The following GRID1 variants were observed in gnomAD, a reference collection of about 807,000 sequenced individuals.
GRID1 encodes glutamate ionotropic receptor delta type subunit 1.
A neutral mutation model predicts 98.0 loss-of-function variants in GRID1; 28 were observed. The observed-to-expected ratio is 0.29, with a 90% confidence interval of 0.21 to 0.39. The LOEUF is 0.39. Ranked by LOEUF, GRID1 falls within the 10% of genes least tolerant of loss-of-function variation. GRID1 has a pLI of 1.00. For synonymous variants in GRID1, 553 were observed against 538.5 expected (o/e 1.03, Z -0.37); for missense variants, 1,111 against 1,340.5 (o/e 0.83, Z 2.67).
At chr10:85,802,876 CA>C in intron 8 of GRID1, among the ~76,000 whole-genome samples, 1 of 149,228 alleles carries the variant, frequency 6.7e-6, no homozygotes, top group African/African-American at 2.4e-5. Flanking sequence ...CACACACACA[CA>C]CACACACACC....
intron 4 of GRID1, among the ~76,000 whole-genome samples, chr10:86,004,450 T>C (rs1290310248): frequency 6.6e-6 from 1 of 152,196 alleles, no homozygotes; most frequent in Non-Finnish European, 1.5e-5. Context: ...GGTTTTGGGA[T>C]GAGGTTATAT....
At chr10:86,251,612 A>G (rs560988183) in intron 2 of GRID1, among the ~76,000 whole-genome samples, 1 of 152,238 alleles carries the variant, frequency 6.6e-6, no homozygotes, top group South Asian at 2.1e-4. Context: ...ATCTGGGATC[A>G]GGGCTGGGCA....
chr10:86,049,620 C>T (rs1843472060), intron 4 of GRID1, among the ~76,000 whole-genome samples: 1 of 152,204 alleles, frequency 6.6e-6, no homozygotes, highest in African/African-American at 2.4e-5. Flanking sequence ...AATGGGAACC[C>T]TGCCAGAATC....
intron 4 of GRID1, among the ~76,000 whole-genome samples, chr10:86,098,892 C>G (rs765341030): frequency 2.6e-5 from 4 of 152,226 alleles, no homozygotes; most frequent in Non-Finnish European, 4.4e-5. Context: ...TGTCACACTT[C>G]TGCTACAACT....
chr10:85,827,587 G>T (rs958116885), intron 8 of GRID1, among the ~76,000 whole-genome samples: 4 of 151,972 alleles, frequency 2.6e-5, no homozygotes, highest in African/African-American at 9.7e-5. Flanking sequence ...CGAATTTGAG[G>T]ATACTGTCCA....
At chr10:85,855,935 G>T in intron 7 of GRID1, 94 bp downstream of exon 7, 1 of 1,130,884 alleles carries the variant, frequency 8.8e-7, no homozygotes, top group Non-Finnish European at 1.3e-6. Context: ...GCCACACAGA[G>T]CCTAGCTTCA....
At chr10:85,650,995 A>G (rs1843261545) in intron 12 of GRID1, among the ~76,000 whole-genome samples, 1 of 152,146 alleles carries the variant, frequency 6.6e-6, no homozygotes, top group African/African-American at 2.4e-5. Context: ...GGGCCTTATG[A>G]GAAATGCAAA....
At chr10:85,868,961 G>A in intron 6 of GRID1, 49 bp downstream of exon 6, 2 of 1,534,098 alleles carry the variant, frequency 1.3e-6, no homozygotes, top group Admixed American at 1.7e-5. Flanking sequence ...CAAGGGTGTG[G>A]GTGAGACTCT....
At chr10:85,882,299 T>C (rs1462293080) in intron 5 of GRID1, among the ~76,000 whole-genome samples, 1 of 152,216 alleles carries the variant, frequency 6.6e-6, no homozygotes, top group Non-Finnish European at 1.5e-5. Flanking sequence ...TTATAAATCA[T>C]GCTGCTATAA....
intron 4 of GRID1, among the ~76,000 whole-genome samples, chr10:86,019,386 C>T (rs1267460235): frequency 1.3e-5 from 2 of 152,230 alleles, no homozygotes; most frequent in Non-Finnish European, 2.9e-5. Flanking sequence ...GCCACCTGCT[C>T]TCATCAGGAT....
chr10:86,232,483 T>C (rs1368335816), intron 2 of GRID1, among the ~76,000 whole-genome samples: 1 of 152,100 alleles, frequency 6.6e-6, no homozygotes, highest in Non-Finnish European at 1.5e-5. Context: ...CCCAGCTGCC[T>C]CTCCTGTTGT....
At position 85,602,155 on chromosome 10, in the gene GRID1, G is replaced by A. The variant is rs956847007; in HGVS notation, c.*118C>T. On this transcript the variant is annotated 3_prime_UTR_variant, in exon 16 of 16. Coordinates refer to ENST00000327946, the MANE Select transcript of GRID1 (RefSeq NM_017551.3). ...ACACATATGTACAAGAAAAATGAAA[G>A]AGTCTCTGTGTATGTGTGTGTGTGC... The A allele has an allele frequency of 8.7e-6, 5 of 571,592 alleles. No individual in the cohort carries two copies. The highest frequency in any genetic ancestry group is 1.9e-5 in the African/African-American group (1 of 52,674). 35.4% of individuals were successfully genotyped at this position (571,592 alleles called of 1,614,324 possible).
intron 2 of GRID1, among the ~76,000 whole-genome samples, chr10:86,336,354 G>T (rs1252921563): frequency 1.3e-5 from 2 of 152,228 alleles, no homozygotes; most frequent in Non-Finnish European, 2.9e-5. Context: ...AGGATTTCAT[G>T]ATGGAATGGA....
At chr10:86,213,826 G>A (rs1846138630) in intron 2 of GRID1, among the ~76,000 whole-genome samples, 1 of 151,946 alleles carries the variant, frequency 6.6e-6, no homozygotes, top group Non-Finnish European at 1.5e-5. Context: ...ACTGCCTAGG[G>A]TGTGAGTCTG....
intron 3 of GRID1, among the ~76,000 whole-genome samples, chr10:86,146,189 G>A (rs1168935524): frequency 6.6e-6 from 1 of 152,058 alleles, no homozygotes. Context: ...ATACATGAAG[G>A]CTGCCACCTC....
rs182196471 is a variant in GRID1 at position 85,665,690 on chromosome 10, A to G, written c.1998-18293T>C. 5.9e-5 allele frequency among the ~76,000 whole-genome samples: 9 copies of G among 152,306 alleles called. No homozygotes were observed. In the East Asian group the frequency reaches 1.5e-3, roughly 26 times the overall value. ...TAAAGGAGTATTGATTGCAAAGATT[A>G]ATAACAGAGCTTAAGAAGGAAAATG... On this transcript the variant is annotated intron_variant, in intron 12 of 15. Transcript: ENST00000327946.
chr10:85,874,816 A>G (rs1041372748), intron 5 of GRID1, among the ~76,000 whole-genome samples: 1 of 152,118 alleles, frequency 6.6e-6, no homozygotes, highest in Non-Finnish European at 1.5e-5. Flanking sequence ...TTTCTCTTTG[A>G]ATATTGGCTA....
chr10:86,266,406 C>T (rs1254537895), intron 2 of GRID1, among the ~76,000 whole-genome samples: 1 of 152,246 alleles, frequency 6.6e-6, no homozygotes, highest in African/African-American at 2.4e-5. Flanking sequence ...ACTACCACAT[C>T]TGACCCCCAA....
intron 12 of GRID1, among the ~76,000 whole-genome samples, chr10:85,696,365 G>A (rs186422144): frequency 6.6e-6 from 1 of 152,058 alleles, no homozygotes; most frequent in East Asian, 1.9e-4. Flanking sequence ...TTCTGAGGAG[G>A]TGACCTTTGA....
Sources: gnomAD v4.1 joint callset for allele counts (sites outside exome capture counted in the v4.1 genomes callset) on GRCh38, gnomAD v4.1.1 for gene constraint, MANE v1.5 for transcripts, NCBI Gene and HGNC (gene_info 2026-07-23, HGNC 2026-07-21) for gene names.